The following PRKN variants were observed in gnomAD, a reference collection of about 807,000 sequenced individuals.
PRKN encodes parkin RBR E3 ubiquitin protein ligase.
In PRKN, 56 loss-of-function variants were observed where a neutral mutation model predicts 59.5. The observed-to-expected ratio is 0.94, with a 90% CI of 0.76 to 1.18. The LOEUF is 1.18. Among genes scored for constraint, PRKN ranks in the 50% most tolerant of loss-of-function variants. The pLI is 0.00. For missense variants in PRKN, 657 were observed against 596.4 expected (o/e 1.10, Z -1.06); for synonymous variants, 250 against 222.1 (o/e 1.13, Z -1.12).
intron 6 of PRKN, among the ~76,000 whole-genome samples, chr6:161,971,325 T>C (rs1780798114): frequency 6.6e-6 from 1 of 152,186 alleles, no homozygotes; most frequent in Non-Finnish European, 1.5e-5. Flanking sequence ...TCACCACATA[T>C]TTTAATGTCA....
intron 4 of PRKN, among the ~76,000 whole-genome samples, chr6:162,155,384 A>C (rs1782468304): frequency 6.6e-6 from 1 of 152,176 alleles, no homozygotes; most frequent in Admixed American, 6.5e-5. Flanking sequence ...AGTTTATTAC[A>C]TCAAAATCCC....
chr6:161,751,966 G>A (rs1788712689), intron 7 of PRKN, among the ~76,000 whole-genome samples: 4 of 152,226 alleles, frequency 2.6e-5, no homozygotes, highest in Admixed American at 2.6e-4. Context: ...TGCAGGATTA[G>A]CGAGGAGGCC....
At position 162,573,983 on chromosome 6, in the gene PRKN, G is replaced by C. The variant is rs1045975232; in HGVS notation, c.8-130510C>G. Among the ~76,000 whole-genome samples the C allele has an allele frequency of 3.9e-5, 6 of 152,308 alleles. 2 individuals carry two copies. Among genetic ancestry groups the C allele is most frequent in the Admixed American group, 3.9e-4 (6 of 15,300 alleles). Reference sequence around the variant, plus strand: ...TCAAATTTTGGTGGGGAAGGAAAGAGTTTAAAAAGGGAGAACTTGATACGA... The same window carrying C: ...TCAAATTTTGGTGGGGAAGGAAAGACTTTAAAAAGGGAGAACTTGATACGA... On this transcript the variant is annotated intron_variant, in intron 1 of 11. Coordinates refer to ENST00000366898, the MANE Select transcript of PRKN (RefSeq NM_004562.3).
At chr6:162,626,724 G>A (rs1782912064) in intron 1 of PRKN, among the ~76,000 whole-genome samples, 1 of 151,228 alleles carries the variant, frequency 6.6e-6, no homozygotes, top group African/African-American at 2.4e-5. Flanking sequence ...TGAGGCAGGA[G>A]AATTGCTTGA....
intron 7 of PRKN, among the ~76,000 whole-genome samples, chr6:161,642,867 A>G (rs1223839550): frequency 1.3e-5 from 2 of 152,202 alleles, no homozygotes; most frequent in Non-Finnish European, 2.9e-5. Flanking sequence ...TTAAACATAC[A>G]CTTATATAGC....
At chr6:161,733,786 ATATATATATATGTATATAT>A (rs1562641713) in intron 7 of PRKN, among the ~76,000 whole-genome samples, 11 of 71,832 alleles carry the variant, frequency 1.5e-4, no homozygotes, top group African/African-American at 9.8e-4. Context: ...AAAAAAAAAT[ATATATATATATGTATATAT>A]ATATATATAT....
chr6:161,918,456 T>G (rs1778657911), intron 6 of PRKN, among the ~76,000 whole-genome samples: 1 of 152,212 alleles, frequency 6.6e-6, no homozygotes, highest in South Asian at 2.1e-4. Context: ...TTTCAAACCA[T>G]GAGTCATCGA....
intron 1 of PRKN, among the ~76,000 whole-genome samples, chr6:162,584,852 GTCCCATCTCCTCCCCTCCCCTCCCC>G (rs1780968893): frequency 4.3e-4 from 1 of 2,308 alleles, no homozygotes; most frequent in Non-Finnish European, 6.6e-4. Flanking sequence ...CCCCTCCCCT[GTCCCATCTCCTCCCCTCCCCTCCCC>G]TCCCCTCCCC....
At chr6:161,609,462 G>T (rs1366893377) in intron 7 of PRKN, among the ~76,000 whole-genome samples, 2 of 152,132 alleles carry the variant, frequency 1.3e-5, no homozygotes, top group African/African-American at 4.8e-5. Context: ...AACTACAAAA[G>T]AATGAAAAGT....
intron 7 of PRKN, among the ~76,000 whole-genome samples, chr6:161,748,608 T>C: frequency 6.6e-6 from 1 of 152,134 alleles, no homozygotes; most frequent in East Asian, 1.9e-4. Flanking sequence ...ACTGGCTTTC[T>C]CATCTTGGTC....
At chr6:162,658,303 TACA>T (rs1261209599) in intron 1 of PRKN, among the ~76,000 whole-genome samples, 4 of 152,218 alleles carry the variant, frequency 2.6e-5, no homozygotes, top group African/African-American at 2.4e-5. Flanking sequence ...TGAAGAGTCA[TACA>T]ACGAGATAAT....
intron 2 of PRKN, among the ~76,000 whole-genome samples, chr6:162,400,456 TCA>T (rs1491437428): frequency 1.7e-3 from 92 of 55,544 alleles, no homozygotes; most frequent in South Asian, 4.6e-3. Context: ...CATGTAAATA[TCA>T]AAAAAAAAAA....
chr6:162,390,394 TATACACAC>T (rs1276041948), intron 2 of PRKN, among the ~76,000 whole-genome samples: 13 of 120,754 alleles, frequency 1.1e-4, no homozygotes, highest in Non-Finnish European at 2.0e-4. Flanking sequence ...TATATATATA[TATACACAC>T]ACACACACAC....
chr6:162,026,479 CT>C (rs890820555), intron 5 of PRKN, among the ~76,000 whole-genome samples: 1 of 152,192 alleles, frequency 6.6e-6, no homozygotes, highest in African/African-American at 2.4e-5. Flanking sequence ...GACCTGTAAG[CT>C]CTTCATGCAT....
chr6:161,677,974 G>A (rs1009510917), intron 7 of PRKN, among the ~76,000 whole-genome samples: 1 of 152,172 alleles, frequency 6.6e-6, no homozygotes, highest in South Asian at 2.1e-4. Context: ...CTCCAGGAGT[G>A]TTGGCTATTT....
intron 9 of PRKN, among the ~76,000 whole-genome samples, chr6:161,501,863 C>T (rs764779008): frequency 1.4e-4 from 21 of 152,168 alleles, no homozygotes; most frequent in Non-Finnish European, 2.6e-4. Flanking sequence ...ACAGCCTCAG[C>T]CACAGCAGCA....
intron 3 of PRKN, among the ~76,000 whole-genome samples, chr6:162,206,821 T>C (rs1405104966): frequency 6.6e-6 from 1 of 152,160 alleles, no homozygotes; most frequent in Non-Finnish European, 1.5e-5. Context: ...CCACATTTGC[T>C]GGAATACACG....
intron 4 of PRKN, among the ~76,000 whole-genome samples, chr6:162,121,629 T>C (rs1048085400): frequency 9.2e-5 from 14 of 152,220 alleles, no homozygotes; most frequent in African/African-American, 3.1e-4. Flanking sequence ...TATATGTCAA[T>C]GTCTATGACA....
intron 4 of PRKN, among the ~76,000 whole-genome samples, chr6:162,116,770 C>T (rs1276910659): frequency 2.0e-5 from 3 of 152,034 alleles, no homozygotes; most frequent in Non-Finnish European, 2.9e-5. Context: ...TATGCACAGG[C>T]GTGAAAGTCA....
Sources: allele counts gnomAD v4.1 joint callset (sites outside exome capture counted in the v4.1 genomes callset), GRCh38; gene constraint gnomAD v4.1.1; transcripts MANE v1.5; gene names NCBI Gene and HGNC (gene_info 2026-07-23, HGNC 2026-07-21).